The following SRFBP1 variants were observed in gnomAD, a reference collection of about 807,000 sequenced individuals.
SRFBP1 encodes the protein serum response factor binding protein 1, also known as serum response factor-binding protein 1.
Under a neutral mutation model 45.5 loss-of-function variants are expected in SRFBP1, and 47 were observed. The ratio of observed to expected loss-of-function variants is 1.03; its 90% CI spans 0.82 to 1.32. SRFBP1 has a LOEUF of 1.32. Ranked by LOEUF, SRFBP1 falls within the 40% of genes most tolerant of loss-of-function variation. The pLI is 0.00. For missense variants in SRFBP1, 621 were observed against 484.6 expected, an observed-to-expected ratio of 1.28 and a Z score of -2.64; for synonymous variants, 203 against 166.3, an observed-to-expected ratio of 1.22 and a Z score of -1.70.
chr5:122,033,525 A>G (rs1006785230), downstream of SRFBP1, among the ~76,000 whole-genome samples: 1 of 150,920 alleles, frequency 6.6e-6, no homozygotes, highest in Non-Finnish European at 1.5e-5. Context: ...CACTGGTGCC[A>G]TCTTGACTCA....
At chr5:121,969,027 A>C (rs1168835074) in intron 1 of SRFBP1, among the ~76,000 whole-genome samples, 9 of 152,182 alleles carry the variant, frequency 5.9e-5, no homozygotes, top group Admixed American at 5.9e-4. Flanking sequence ...TCACATAGCC[A>C]GCCAAAAGTC....
chr5:121,981,965 AT>A (rs887341546), intron 3 of SRFBP1, among the ~76,000 whole-genome samples: 52 of 145,408 alleles, frequency 3.6e-4, no homozygotes, highest in Non-Finnish European at 3.5e-4. Flanking sequence ...TTCTACTGCA[AT>A]TTTTTTTTTT....
In SRFBP1 at chr5:122,019,242, A is replaced by G. The variant is rs1225387435; in HGVS notation, c.271-18A>G. On this transcript the variant is annotated intron_variant, in intron 4 of 7. Transcript: ENST00000339397. ...TTTATTTCATTCCCATACGTTTATT[A>G]TATTTTTAAATTTGCAGCCAGATTC... 2.5e-6 allele frequency: 4 copies of G among 1,600,172 alleles called. No individual in the cohort carries two copies. The highest frequency in any genetic ancestry group is 2.7e-5 in the African/African-American group (2 of 74,498).
intron 2 of SRFBP1, chr5:122,066,679 T>C: frequency 1.5e-6 from 2 of 1,352,538 alleles, no homozygotes; most frequent in Admixed American, 3.6e-5. Flanking sequence ...CTGAAGTTAG[T>C]CTATTTTTTC....
At position 122,020,730 on chromosome 5, in the gene SRFBP1, A is replaced by G. The variant is rs1753298480; in HGVS notation, c.995A>G (p.Lys332Arg). ...THGDTRNDKI[K>R]PSTETRKLES... Reference sequence around the variant, plus strand: ...GGGGATACAAGAAATGACAAAATCAAGCCAAGTACAGAAACCAGAAAGTTA... The same window carrying G: ...GGGGATACAAGAAATGACAAAATCAGGCCAAGTACAGAAACCAGAAAGTTA... Residue 332 changes from lysine to arginine, a missense_variant, in exon 6 of 8, where the codon AAG becomes AGG. Lys to Arg is a conservative substitution (Grantham distance 26). Coordinates refer to ENST00000339397, the MANE Select transcript of SRFBP1 (RefSeq NM_152546.3). The G allele has an allele frequency of 1.2e-6, 2 of 1,609,006 alleles. No homozygotes were observed. Among genetic ancestry groups the G allele is most frequent in the Non-Finnish European group, 1.7e-6 (2 of 1,178,836 alleles).
At chr5:122,050,915 G>T (rs1753961863) in intron 2 of SRFBP1, among the ~76,000 whole-genome samples, 1 of 152,084 alleles carries the variant, frequency 6.6e-6, no homozygotes, top group Non-Finnish European at 1.5e-5. Flanking sequence ...TGTTAACGCT[G>T]TCTTATCTGT....
chr5:122,075,223 C>T, intron 2 of SRFBP1: 2 of 527,310 alleles, frequency 3.8e-6, no homozygotes, highest in Non-Finnish European at 6.4e-6. Flanking sequence ...TTTTCCATTT[C>T]AAAAGATAAC....
At chr5:122,051,817 C>T (rs1227696714) in intron 2 of SRFBP1, among the ~76,000 whole-genome samples, 1 of 152,058 alleles carries the variant, frequency 6.6e-6, no homozygotes, top group Non-Finnish European at 1.5e-5. Flanking sequence ...GGTTATTATG[C>T]AGACTTTTTG....
intron 4 of SRFBP1, among the ~76,000 whole-genome samples, chr5:122,016,656 T>TA (rs2112702509): frequency 6.6e-6 from 1 of 152,350 alleles, no homozygotes; most frequent in African/African-American, 2.4e-5. Flanking sequence ...ATGTTTGACC[T>TA]ATGCCTTCAG....
intron 4 of SRFBP1, among the ~76,000 whole-genome samples, chr5:122,001,830 G>C (rs1331850616): frequency 6.6e-6 from 1 of 151,938 alleles, no homozygotes; most frequent in Non-Finnish European, 1.5e-5. Flanking sequence ...CAAAGTGCTG[G>C]GATTACAGGC....
At chr5:122,055,623 A>G (rs1754065075) in intron 2 of SRFBP1, among the ~76,000 whole-genome samples, 1 of 152,228 alleles carries the variant, frequency 6.6e-6, no homozygotes, top group African/African-American at 2.4e-5. Context: ...ATCCCAATAA[A>G]AAAAGACATA....
At chr5:121,982,015 G>A (rs1752418763) in intron 3 of SRFBP1, among the ~76,000 whole-genome samples, 2 of 151,552 alleles carry the variant, frequency 1.3e-5, no homozygotes, top group Admixed American at 6.6e-5. Flanking sequence ...GTTGTTCTGA[G>A]TCTCTAAAGA....
chr5:122,062,569 G>A (rs1028609917), intron 2 of SRFBP1, among the ~76,000 whole-genome samples: 1 of 152,060 alleles, frequency 6.6e-6, no homozygotes, highest in African/African-American at 2.4e-5. Flanking sequence ...GCTTTGCCTT[G>A]AGCAGGAGAT....
rs768419742 is a variant in SRFBP1 at position 122,075,541 on chromosome 5, A to C, written n.538A>C. 1.5e-4 allele frequency: 239 copies of C among 1,567,332 alleles called. No homozygotes were observed. The highest frequency in any genetic ancestry group is 5.1e-4 in the Middle Eastern group (3 of 5,830). ...CTCTGACATCTGCCCTGTATGCTGTACTGTGATTTTGAAAAAAGAAAAATT... is the reference window on the plus strand; with the variant it reads ...CTCTGACATCTGCCCTGTATGCTGTCCTGTGATTTTGAAAAAAGAAAAATT... On this transcript the variant is annotated non_coding_transcript_exon_variant, in exon 3 of 3. Coordinates refer to the SRFBP1 transcript ENST00000504881.
intron 4 of SRFBP1, among the ~76,000 whole-genome samples, chr5:122,017,195 A>T (rs545580159): frequency 1.7e-3 from 254 of 152,062 alleles, no homozygotes; most frequent in Non-Finnish European, 2.7e-3. Context: ...CGCTACTGCA[A>T]CTCCAGCCTG....
intron 2 of SRFBP1, among the ~76,000 whole-genome samples, chr5:122,034,403 T>G (rs1457817488): frequency 8.5e-5 from 13 of 152,290 alleles, no homozygotes; most frequent in Non-Finnish European, 1.8e-4. Context: ...GGTTTATGTT[T>G]CTGTTGTCCT....
At chr5:122,077,076 G>T, downstream of SRFBP1, 8 of 1,578,812 alleles carry the variant, frequency 5.1e-6, no homozygotes, top group Admixed American at 1.8e-5. The surrounding 1 kb of genome is among the most constrained non-coding windows in gnomAD (Gnocchi z 4.9). Flanking sequence ...ACCCCTCTAG[G>T]TCCCTTACTC....
chr5:122,059,957 T>G (rs532512095), intron 2 of SRFBP1, among the ~76,000 whole-genome samples: 51 of 152,220 alleles, frequency 3.4e-4, no homozygotes, highest in African/African-American at 1.2e-3. Context: ...TTATTCTTTT[T>G]CTGTTTGCCT....
At chr5:121,981,717 A>G (rs1010715450) in intron 3 of SRFBP1, among the ~76,000 whole-genome samples, 1 of 151,900 alleles carries the variant, frequency 6.6e-6, no homozygotes, top group Non-Finnish European at 1.5e-5. Context: ...GCTCTAGGAA[A>G]CTTTCCCTGG....
Sources: allele counts gnomAD v4.1 joint callset (sites outside exome capture counted in the v4.1 genomes callset), GRCh38; gene constraint gnomAD v4.1.1; non-coding constraint Gnocchi (gnomAD v3.1); transcripts MANE v1.5; gene names NCBI Gene and HGNC (gene_info 2026-07-23, HGNC 2026-07-21).